Variants in HSF2BP observed in about 807,000 individuals in gnomAD.
HSF2BP encodes heat shock transcription factor 2 binding protein.
A neutral mutation model predicts 35.0 loss-of-function variants in HSF2BP; 35 were observed. The ratio of observed to expected loss-of-function variants is 1.00; its 90% CI spans 0.76 to 1.32. The LOEUF (loss-of-function observed/expected upper bound fraction) is 1.32. HSF2BP is among the 40% of genes most tolerant of loss of function. The probability of loss-of-function intolerance (pLI) is 0.00; values close to 1 mark genes in which losing one functional copy is unlikely to be tolerated. For missense variants in HSF2BP, 326 were observed against 321.7 expected, an observed-to-expected ratio of 1.01 and a Z score of -0.10; for synonymous variants, 114 against 117.4, an observed-to-expected ratio of 0.97 and a Z score of 0.18.
intron 8 of HSF2BP, among the ~76,000 whole-genome samples, chr21:43,574,486 T>C (rs1451690141): frequency 2.0e-5 from 3 of 152,072 alleles, no homozygotes; most frequent in Non-Finnish European, 4.4e-5. Flanking sequence ...GCCTCCCAAG[T>C]AGCTGGGACT....
At chr21:43,613,220 C>T (rs925540734) in intron 7 of HSF2BP, among the ~76,000 whole-genome samples, 5 of 152,168 alleles carry the variant, frequency 3.3e-5, no homozygotes, top group African/African-American at 9.7e-5. Flanking sequence ...AAGATGGGGT[C>T]CCTGTGAGAA....
intron 3 of HSF2BP, among the ~76,000 whole-genome samples, chr21:43,650,173 T>C (rs1601727993): frequency 6.6e-6 from 1 of 152,326 alleles, no homozygotes; most frequent in Non-Finnish European, 1.5e-5. Flanking sequence ...GATACAGTTT[T>C]CATCTATTTT....
intron 6 of HSF2BP, among the ~76,000 whole-genome samples, chr21:43,617,681 C>G (rs1014913492): frequency 6.6e-6 from 1 of 151,922 alleles, no homozygotes; most frequent in Non-Finnish European, 1.5e-5. Context: ...GGGCCAGGTA[C>G]GGTGGCTCCC....
In HSF2BP at chr21:43,658,133, G is replaced by A. The variant is rs999139870; in HGVS notation, c.-37C>T. ...CCTCCGCTCCGTTCGCCTGAGCGTC[G>A]GCGCGCCCTCTGACCCCTCACGCCA... On this transcript the variant is annotated 5_prime_UTR_variant, in exon 2 of 9. Coordinates refer to ENST00000291560, the MANE Select transcript of HSF2BP (RefSeq NM_007031.2). 9 of 1,508,134 alleles carry A rather than the reference G, an allele frequency of 6.0e-6. No homozygotes were observed. The highest frequency in any genetic ancestry group is 7.1e-6 in the Non-Finnish European group (8 of 1,131,764). The allele number at this position is 1,508,134 out of a possible 1,614,324, so 93.4% of individuals were successfully genotyped here.
intron 7 of HSF2BP, among the ~76,000 whole-genome samples, chr21:43,594,403 A>T (rs2838325): frequency 0.52 from 78,824 of 152,080 alleles, 21,660 homozygotes; most frequent in East Asian, 0.69. Flanking sequence ...CAGAGCTAAG[A>T]TACAGTCCAT....
intron 8 of HSF2BP, among the ~76,000 whole-genome samples, chr21:43,590,413 A>C (rs958474340): frequency 1.3e-5 from 2 of 152,242 alleles, no homozygotes; most frequent in African/African-American, 2.4e-5. Context: ...TTTGGAAAAC[A>C]GGGTGGCAGT....
intron 3 of HSF2BP, among the ~76,000 whole-genome samples, chr21:43,648,594 T>A (rs931676468): frequency 3.3e-5 from 5 of 152,340 alleles, no homozygotes; most frequent in African/African-American, 1.2e-4. Flanking sequence ...AGGATATGGA[T>A]GTGACACACT....
At chr21:43,615,658 C>A (rs2082260816) in intron 6 of HSF2BP, among the ~76,000 whole-genome samples, 1 of 152,108 alleles carries the variant, frequency 6.6e-6, no homozygotes, top group Non-Finnish European at 1.5e-5. Context: ...ATTGACAGAA[C>A]CTTTCAATGA....
At chr21:43,632,675 A>C (rs1055913151) in intron 5 of HSF2BP, among the ~76,000 whole-genome samples, 1 of 152,058 alleles carries the variant, frequency 6.6e-6, no homozygotes, top group African/African-American at 2.4e-5. Context: ...CCTCCTCTTC[A>C]GCCTACTCAA....
At chr21:43,656,082 TA>T (rs2082863925) in intron 3 of HSF2BP, among the ~76,000 whole-genome samples, 1 of 152,184 alleles carries the variant, frequency 6.6e-6, no homozygotes, top group Admixed American at 6.5e-5. Context: ...AATAGGCTCC[TA>T]AACTGGTATT....
chr21:43,637,674 A>G (rs2082582032), intron 4 of HSF2BP, among the ~76,000 whole-genome samples: 1 of 151,730 alleles, frequency 6.6e-6, no homozygotes, highest in South Asian at 2.1e-4. Flanking sequence ...AATTAGCTGT[A>G]TGGTGGCATA....
At chr21:43,637,309 T>C (rs1045650326) in intron 4 of HSF2BP, among the ~76,000 whole-genome samples, 2 of 152,116 alleles carry the variant, frequency 1.3e-5, no homozygotes, top group Admixed American at 6.5e-5. Flanking sequence ...AGACTACATA[T>C]TATACACATA....
At chr21:43,623,900 G>T (rs533610885) in intron 6 of HSF2BP, among the ~76,000 whole-genome samples, 1 of 152,274 alleles carries the variant, frequency 6.6e-6, no homozygotes, top group African/African-American at 2.4e-5. Flanking sequence ...GGGGAAACAG[G>T]ACAATGCTAA....
chr21:43,644,295 C>T lies in HSF2BP; in HGVS notation c.285G>A (p.Glu95=), dbSNP rs140427446. Residue 95 remains glutamate (E), a synonymous_variant, in exon 4 of 9, where the codon GAG becomes GAA. Transcript: ENST00000291560. ...CTGTCCCTGAGCATGGTACCTTCTT[C>T]TCTCTTATGTTGTCGGCCTGCACGG... ...LETVQADNIR[E]KKEKLALRQQ... is the part of the protein sequence containing the mutation. 157 of 1,613,334 alleles carry T rather than the reference C, an allele frequency of 9.7e-5. No homozygotes were observed. In the African/African-American group the frequency reaches 1.9e-3, roughly 20 times the overall value.
chr21:43,584,071 GAGGGAGATGA>G (rs1273621020), intron 8 of HSF2BP, among the ~76,000 whole-genome samples: 1 of 145,902 alleles, frequency 6.9e-6, no homozygotes, highest in African/African-American at 2.6e-5. Flanking sequence ...AGGGCCTGCT[GAGGGAGATGA>G]AGGGCCTGCT....
intron 3 of HSF2BP, among the ~76,000 whole-genome samples, chr21:43,653,875 T>C (rs1334912794): frequency 2.6e-5 from 4 of 151,936 alleles, no homozygotes; most frequent in African/African-American, 4.8e-5. Context: ...ACAGGTTTCA[T>C]GCGGAGTAGT....
chr21:43,658,197 G>C lies in HSF2BP; in HGVS notation c.-101C>G. ...CGAATCCACGCCGGGGGTCGGGAAC[G>C]GAGAGCCGCCAGGCCCAAACCTCCC... On this transcript the variant is annotated 5_prime_UTR_variant, in exon 2 of 9. Coordinates refer to ENST00000291560, the MANE Select transcript of HSF2BP (RefSeq NM_007031.2). 2 of 1,342,434 alleles carry C rather than the reference G, an allele frequency of 1.5e-6. No individual in the cohort carries two copies. The highest frequency in any genetic ancestry group is 2.7e-5 in the East Asian group (1 of 36,940). 83.2% of individuals were successfully genotyped at this position (1,342,434 alleles called of 1,614,324 possible).
intron 4 of HSF2BP, 130 bp downstream of exon 4, chr21:43,644,159 C>T: frequency 1.6e-6 from 1 of 636,784 alleles, no homozygotes; most frequent in Non-Finnish European, 2.8e-6. Context: ...ACTCAGAATA[C>T]ATACATTTAC....
At chr21:43,635,811 C>T (rs142326063) in intron 4 of HSF2BP, among the ~76,000 whole-genome samples, 14 of 151,994 alleles carry the variant, frequency 9.2e-5, no homozygotes, top group African/African-American at 3.1e-4. Flanking sequence ...CACCTATAAT[C>T]CCACCTACTC....
Sources: gnomAD v4.1 joint callset for allele counts (sites outside exome capture counted in the v4.1 genomes callset) on GRCh38, gnomAD v4.1.1 for gene constraint, MANE v1.5 for transcripts, NCBI Gene and HGNC (gene_info 2026-07-23, HGNC 2026-07-21) for gene names.